The following NECTIN1 variants were observed in gnomAD, a reference collection of about 807,000 sequenced individuals.
NECTIN1 encodes the protein nectin cell adhesion molecule 1.
Under a neutral mutation model 48.0 loss-of-function variants are expected in NECTIN1, and 23 were observed. The ratio of observed to expected loss-of-function variants is 0.48; its 90% confidence interval spans 0.34 to 0.68. The LOEUF is 0.68. Ranked by LOEUF, NECTIN1 falls within the 30% of genes least tolerant of loss-of-function variation. The pLI is 0.01. For synonymous variants in NECTIN1, 270 were observed against 288.9 expected (o/e 0.93, Z 0.66); for missense variants, 591 against 709.9 (o/e 0.83, Z 1.90).
rs983578067 is a variant in NECTIN1 at position 119,709,600 on chromosome 11, C to T, written c.79+18875G>A. On this transcript the variant is annotated intron_variant, in intron 1 of 5. Transcript: ENST00000264025. The surrounding 1 kb of genome is among the most constrained non-coding windows in gnomAD (Gnocchi z 4.1). Reference sequence around the variant, plus strand: ...GGCAGAAGGTGCTCTTGAATGGAAGCAGGGAGGGAGGGGAGCCCCGTGTGG... The same window carrying T: ...GGCAGAAGGTGCTCTTGAATGGAAGTAGGGAGGGAGGGGAGCCCCGTGTGG... 1.3e-5 allele frequency among the ~76,000 whole-genome samples: 2 copies of T among 151,786 alleles called. No homozygotes were observed. The highest frequency in any genetic ancestry group is 4.8e-5 in the African/African-American group (2 of 41,244).
At position 119,663,437 on chromosome 11, in the gene NECTIN1, C is replaced by T. The variant is rs898295738; in HGVS notation, c.*1310G>A. On this transcript the variant is annotated 3_prime_UTR_variant, in exon 6 of 6. Transcript: ENST00000264025. ...GGCTTCTCCTAGGCCCTCCCCTCAT[C>T]CCAGAATGAGGACCAGGGGTGGCTG... The T allele has an allele frequency of 2.0e-6, 2 of 985,370 alleles. No individual in the cohort carries two copies. Among genetic ancestry groups the T allele is most frequent in the Non-Finnish European group, 2.4e-6 (2 of 829,964 alleles). The allele number at this position is 985,370 out of a possible 1,614,324, so 61.0% of individuals were successfully genotyped here.
intron 5 of NECTIN1, among the ~76,000 whole-genome samples, chr11:119,645,660 C>G (rs760790259): frequency 1.3e-5 from 2 of 152,214 alleles, no homozygotes; most frequent in African/African-American, 2.4e-5. Context: ...TTCCAGCTTT[C>G]TCTGTCTCCG....
intron 5 of NECTIN1, among the ~76,000 whole-genome samples, chr11:119,643,476 T>C (rs1191266414): frequency 6.6e-6 from 1 of 152,240 alleles, no homozygotes; most frequent in Non-Finnish European, 1.5e-5. Context: ...TCTGCGCCTG[T>C]GTGCTGTTCT....
intron 1 of NECTIN1, among the ~76,000 whole-genome samples, chr11:119,702,200 C>T (rs1865468955): frequency 6.6e-6 from 1 of 152,170 alleles, no homozygotes; most frequent in African/African-American, 2.4e-5. Context: ...TGGACCTCCC[C>T]CTGCCCCACT....
At position 119,704,340 on chromosome 11, in the gene NECTIN1, C is replaced by T. The variant is rs191256190; in HGVS notation, c.79+24135G>A. ...CAGGCGGGCAATTCTCATGCCTCAG[C>T]CTCCCAAGTAGCTGGGATTATAGGC... On this transcript the variant is annotated intron_variant, in intron 1 of 5. Transcript: ENST00000264025. Among the ~76,000 whole-genome samples the T allele has an allele frequency of 3.1e-3, 466 of 152,236 alleles. 2 individuals carry two copies. Among genetic ancestry groups the T allele is most frequent in the Non-Finnish European group, 4.4e-3 (299 of 68,006 alleles).
At chr11:119,666,423 G>A (rs968276859) in intron 5 of NECTIN1, among the ~76,000 whole-genome samples, 5 of 152,238 alleles carry the variant, frequency 3.3e-5, no homozygotes, top group African/African-American at 7.2e-5. Flanking sequence ...CAGTGGGGCC[G>A]GGCCACAGTA....
chr11:119,691,551 C>T (rs1865252834), intron 1 of NECTIN1, among the ~76,000 whole-genome samples: 1 of 152,236 alleles, frequency 6.6e-6, no homozygotes, highest in African/African-American at 2.4e-5. Flanking sequence ...ACAGCAGGGC[C>T]TGTGGACACA....
intron 1 of NECTIN1, among the ~76,000 whole-genome samples, chr11:119,721,618 G>A (rs1865831986): frequency 6.6e-6 from 1 of 152,218 alleles, no homozygotes; most frequent in African/African-American, 2.4e-5. Context: ...ACCAGAGTGG[G>A]TGGGGGATAG....
rs1050190973 is a variant in NECTIN1, at chr11:119,638,938, C to T, written c.1152-132G>A. The T allele has an allele frequency of 1.1e-5, 9 of 809,922 alleles. No homozygotes were observed. In the African/African-American group the frequency reaches 1.2e-4, roughly 11 times the overall value. The allele number at this position is 809,922 out of a possible 1,614,324, so 50.2% of individuals were successfully genotyped here. A position where few individuals can be genotyped will look rare whatever the true frequency, so the allele number is the denominator to read the frequency against. On this transcript the variant is annotated intron_variant, in intron 6 of 7. Coordinates refer to the NECTIN1 transcript ENST00000341398. Reference sequence around the variant, plus strand: ...CCCGGGAGCTCTGCTTCCCAGGCAGCCTCCTGAGAGGCCAGAGCTTGGGCT... The same window carrying T: ...CCCGGGAGCTCTGCTTCCCAGGCAGTCTCCTGAGAGGCCAGAGCTTGGGCT...
At chr11:119,715,289 G>A (rs1368459039) in intron 1 of NECTIN1, among the ~76,000 whole-genome samples, 1 of 152,238 alleles carries the variant, frequency 6.6e-6, no homozygotes, top group African/African-American at 2.4e-5. Flanking sequence ...TCAGCTGCAG[G>A]CCCAGCTGGG....
intron 1 of NECTIN1, among the ~76,000 whole-genome samples, chr11:119,686,834 C>G (rs927814315): frequency 1.3e-5 from 2 of 152,186 alleles, no homozygotes; most frequent in African/African-American, 4.8e-5. Context: ...GTCCCAGTAT[C>G]TCGGCGCACA....
chr11:119,672,226 G>T lies in NECTIN1; in HGVS notation c.1003+2933C>A, dbSNP rs1486804014. Among the ~76,000 whole-genome samples, 1 of 152,196 alleles carries T rather than the reference G, an allele frequency of 6.6e-6. No homozygotes were observed. Among genetic ancestry groups the T allele is most frequent in the Non-Finnish European group, 1.5e-5 (1 of 68,032 alleles). ...GGCAGCCTCCCTGTCCTGCTCTTGG[G>T]AGTGGCGAGAGGCTGGGTCCCAGCT... On this transcript the variant is annotated intron_variant, in intron 5 of 5. Coordinates refer to ENST00000264025, the MANE Select transcript of NECTIN1 (RefSeq NM_002855.5). The surrounding 1 kb of genome is among the most constrained non-coding windows in gnomAD (Gnocchi z 4.3).
chr11:119,710,993 G>A (rs940461568), intron 1 of NECTIN1, among the ~76,000 whole-genome samples: 10 of 151,834 alleles, frequency 6.6e-5, no homozygotes, highest in Admixed American at 2.6e-4. Context: ...GATGGGAGGG[G>A]AGGTGTCAAG....
chr11:119,660,238 TG>T (rs1864638636), downstream of NECTIN1, among the ~76,000 whole-genome samples: 1 of 152,080 alleles, frequency 6.6e-6, no homozygotes, highest in Admixed American at 6.6e-5. Flanking sequence ...ATGGCTGGGA[TG>T]GGGCAGTCTC....
chr11:119,712,134 G>A (rs1057456214), intron 1 of NECTIN1, among the ~76,000 whole-genome samples: 12 of 152,216 alleles, frequency 7.9e-5, no homozygotes, highest in Non-Finnish European at 1.2e-4. Context: ...CTTGGACTGC[G>A]CACAGGTCAG....
rs1864717382 is a variant in NECTIN1 at position 119,664,065 on chromosome 11, A to AG, written c.*681dup. 2 of 985,530 alleles carry AG rather than the reference A, an allele frequency of 2.0e-6. No homozygotes were observed. Among genetic ancestry groups the AG allele is most frequent in the Non-Finnish European group, 2.4e-6 (2 of 830,092 alleles). 61.0% of individuals were successfully genotyped at this position (985,530 alleles called of 1,614,324 possible). A position where few individuals can be genotyped will look rare whatever the true frequency, so the allele number is the denominator to read the frequency against. ...GATAAAGAGGGGACGCGTCAGAGCT[A>AG]GGCCAACTCCACTCTCTGTGGGCCA... On this transcript the variant is annotated 3_prime_UTR_variant, in exon 6 of 6. Coordinates refer to ENST00000264025, the MANE Select transcript of NECTIN1 (RefSeq NM_002855.5).
chr11:119,658,659 G>A (rs967703920), downstream of NECTIN1, among the ~76,000 whole-genome samples: 11 of 152,280 alleles, frequency 7.2e-5, no homozygotes, highest in African/African-American at 2.6e-4. Flanking sequence ...CTTCCCCGAT[G>A]AGCCCCATCT....
At position 119,661,923 on chromosome 11, in the gene NECTIN1, T is replaced by C. The variant is rs1864673721; in HGVS notation, c.*2824A>G. On this transcript the variant is annotated 3_prime_UTR_variant, in exon 6 of 6. Transcript: ENST00000264025. ...GTGGGCACACGTACTGGGTCTGAGG[T>C]GGTCGCACTTGCAGGCCTGTGTTCA... 1.0e-6 allele frequency: 1 copy of C among 985,110 alleles called. No individual in the cohort carries two copies. The highest frequency in any genetic ancestry group is 1.7e-5 in the African/African-American group (1 of 57,144). The allele number at this position is 985,110 out of a possible 1,614,324, so 61.0% of individuals were successfully genotyped here. A position where few individuals can be genotyped will look rare whatever the true frequency, so the allele number is the denominator to read the frequency against.
chr11:119,685,392 G>T (rs957749200), intron 1 of NECTIN1, among the ~76,000 whole-genome samples: 1 of 152,200 alleles, frequency 6.6e-6, no homozygotes, highest in African/African-American at 2.4e-5. Context: ...GGCGGCCTGG[G>T]AAAAGCCCCG....
Sources: gnomAD v4.1 joint callset for allele counts (sites outside exome capture counted in the v4.1 genomes callset) on GRCh38, gnomAD v4.1.1 for gene constraint, Gnocchi (gnomAD v3.1) non-coding constraint, MANE v1.5 for transcripts, NCBI Gene and HGNC (gene_info 2026-07-23, HGNC 2026-07-21) for gene names.